The following DNAH11 variants were observed in gnomAD, a reference collection of about 807,000 sequenced individuals.
The protein encoded by DNAH11 is dynein axonemal heavy chain 11.
A neutral mutation model predicts 526.0 loss-of-function variants in DNAH11; 442 were observed. The observed-to-expected ratio is 0.84, with a 90% CI of 0.78 to 0.91. The LOEUF is 0.91. Among genes scored for constraint, DNAH11 ranks in the 40% least tolerant of loss-of-function variants. DNAH11 has a pLI of 0.00. For missense variants in DNAH11, 6,989 were observed against 5,448.7 expected (o/e 1.28, Z -8.90); for synonymous variants, 2,461 against 1,935.9 (o/e 1.27, Z -7.12).
chr7:21,544,185 T>C (rs1030451798), intron 1 of DNAH11, among the ~76,000 whole-genome samples: 2 of 152,214 alleles, frequency 1.3e-5, no homozygotes, highest in Non-Finnish European at 2.9e-5. Flanking sequence ...ATTTGTCCAC[T>C]AAAAGGTTAA....
chr7:21,673,238 A>T (rs544070451), intron 30 of DNAH11, among the ~76,000 whole-genome samples: 1 of 152,216 alleles, frequency 6.6e-6, no homozygotes. Context: ...TGTAAAATAT[A>T]CAGTGAGATC....
chr7:21,791,970 C>G (rs773332670), intron 61 of DNAH11, among the ~76,000 whole-genome samples: 7 of 152,176 alleles, frequency 4.6e-5, no homozygotes, highest in Non-Finnish European at 8.8e-5. Context: ...ATAGCAGTTC[C>G]TGCTTTGGGC....
In DNAH11 at chr7:21,710,597, G is replaced by T; in HGVS notation, c.6728G>T (p.Arg2243Leu). The change falls in exon 41 of 82, where the codon CGA (arginine) becomes CTA (leucine). Residue 2243 changes from arginine to leucine, a missense_variant. Transcript: ENST00000409508. ...YFIGLFSSILREQANLKHDGP... is the reference protein window; with the variant it reads ...YFIGLFSSILLEQANLKHDGP... ...ATAGGTCTCTTCTCATCCATTCTAC[G>T]AGAACAAGCAAATCTTAAGCATGAT... The T allele has an allele frequency of 6.2e-7, 1 of 1,612,734 alleles. No individual in the cohort carries two copies. Among genetic ancestry groups the T allele is most frequent in the Non-Finnish European group, 8.5e-7 (1 of 1,179,216 alleles).
At chr7:21,818,986 C>A (rs771641846) in intron 65 of DNAH11, among the ~76,000 whole-genome samples, 1 of 152,054 alleles carries the variant, frequency 6.6e-6, no homozygotes. Context: ...GCATTGAAGC[C>A]ATTTCTGAGG....
intron 14 of DNAH11, among the ~76,000 whole-genome samples, chr7:21,596,886 T>C (rs868617119): frequency 1.3e-5 from 2 of 152,350 alleles, no homozygotes; most frequent in Middle Eastern, 3.4e-3. Context: ...GAAATGATTA[T>C]TTGTTTCCAT....
intron 28 of DNAH11, among the ~76,000 whole-genome samples, chr7:21,655,375 C>T (rs184751138): frequency 2.0e-5 from 3 of 152,196 alleles, no homozygotes; most frequent in East Asian, 3.9e-4. Flanking sequence ...AAGGCAAGTG[C>T]GTGTTAACAG....
intron 73 of DNAH11, among the ~76,000 whole-genome samples, chr7:21,872,384 G>A (rs887059469): frequency 2.4e-4 from 36 of 152,168 alleles, no homozygotes; most frequent in African/African-American, 8.7e-4. Flanking sequence ...AAGGATACTT[G>A]CATTATTATT....
rs376425013 is a variant in DNAH11 at position 21,629,853 on chromosome 7, G to A, written c.4501-6018G>A. On this transcript the variant is annotated intron_variant, in intron 25 of 81. Transcript: ENST00000409508. ...TTTCTTGTAGGCACTGTATAGTTCT[G>A]TTATGTTTCTTTAGCTATTCAGCCA... Among the ~76,000 whole-genome samples the A allele has an allele frequency of 9.2e-5, 14 of 152,092 alleles. No individual in the cohort carries two copies. The East Asian group carries it at 1.9e-3, about 21-fold the overall frequency.
At chr7:21,557,621 G>C (rs150430874) in intron 2 of DNAH11, among the ~76,000 whole-genome samples, 3 of 152,180 alleles carry the variant, frequency 2.0e-5, no homozygotes, top group African/African-American at 7.2e-5. Flanking sequence ...CCATCATTTT[G>C]GGGGTTAGGA....
At chr7:21,881,840 C>T (rs562308844) in intron 75 of DNAH11, among the ~76,000 whole-genome samples, 1 of 152,032 alleles carries the variant, frequency 6.6e-6, no homozygotes, top group African/African-American at 2.4e-5. Context: ...GGCATATTTT[C>T]CCAAGGAACA....
In DNAH11 at chr7:21,738,867, G is replaced by A; in HGVS notation, c.7811+1G>A. The A allele has an allele frequency of 6.3e-7, 1 of 1,587,962 alleles. No individual in the cohort carries two copies. The highest frequency in any genetic ancestry group is 1.8e-5 in the Admixed American group (1 of 55,788). On this transcript the variant is annotated splice_donor_variant, in intron 47 of 81. Coordinates refer to ENST00000409508, the MANE Select transcript of DNAH11 (RefSeq NM_001277115.2). LOFTEE classifies it high-confidence loss of function. ...GGCAGCATATTGATTATGGACATTG[G>A]TAAGCAAGTCTCTGTAGTTTACTCT...
intron 66 of DNAH11, among the ~76,000 whole-genome samples, chr7:21,844,868 G>A (rs76551726): frequency 0.048 from 7,347 of 152,214 alleles, 337 homozygotes; most frequent in East Asian, 0.23. Context: ...TCAAGGCTGG[G>A]TATCAGTGGA....
At chr7:21,870,283 C>T (rs989403786) in intron 73 of DNAH11, among the ~76,000 whole-genome samples, 5 of 152,110 alleles carry the variant, frequency 3.3e-5, no homozygotes, top group African/African-American at 7.2e-5. Context: ...TATCCAGGCT[C>T]GGTGCCTTTG....
intron 34 of DNAH11, among the ~76,000 whole-genome samples, chr7:21,690,025 T>G (rs1411726677): frequency 6.6e-6 from 1 of 152,242 alleles, no homozygotes; most frequent in Non-Finnish European, 1.5e-5. Context: ...TCCAGTGCCT[T>G]TAAGTGACAG....
Position 21,717,924 on chromosome 7 carries a change from A to G in DNAH11, c.7133A>G (p.Gln2378Arg). The stretch of plus-strand genomic sequence containing the variant: ...TCAATTCCTGAGAGTAGCCTGGTGC[A>G]GGTTTGTCTTCGGTTACGCCATTTA... ...ITSIPESSLVQTLCVLLECLL... is the reference protein window; with the variant it reads ...ITSIPESSLVRTLCVLLECLL... The change falls in exon 43 of 82, where the codon CAG (glutamine) becomes CGG (arginine). Residue 2378 changes from glutamine to arginine, a missense_variant and splice_region_variant. Gln to Arg is a conservative substitution (Grantham distance 43). Transcript: ENST00000409508. The G allele has an allele frequency of 1.2e-6, 2 of 1,611,340 alleles. No homozygotes were observed. Among genetic ancestry groups the G allele is most frequent in the Non-Finnish European group, 1.7e-6 (2 of 1,178,150 alleles).
Position 21,599,835 on chromosome 7 carries a change from A to T in DNAH11, c.2716A>T (p.Ile906Phe). ...CAATCCCTCTCTGGATACCTGGAAAATTTATGTAGAATTCATTGACGACAT... is the reference window on the plus strand; with the variant it reads ...CAATCCCTCTCTGGATACCTGGAAATTTTATGTAGAATTCATTGACGACAT... ...KANPSLDTWK[I>F]YVEFIDDIVV... The change falls in exon 15 of 82, where the codon ATT becomes TTT. Residue 906 changes from isoleucine to phenylalanine, a missense_variant. Physicochemically the swap from Ile to Phe is conservative, Grantham distance 21. Transcript: ENST00000409508. The T allele has an allele frequency of 6.3e-7, 1 of 1,594,384 alleles. No homozygotes were observed. The highest frequency in any genetic ancestry group is 8.6e-7 in the Non-Finnish European group (1 of 1,167,328).
chr7:21,887,195 G>T (rs1476577428), intron 76 of DNAH11, among the ~76,000 whole-genome samples: 1 of 152,178 alleles, frequency 6.6e-6, no homozygotes, highest in Non-Finnish European at 1.5e-5. Flanking sequence ...CAAAGAATCA[G>T]AATGCTTTCA....
intron 65 of DNAH11, among the ~76,000 whole-genome samples, chr7:21,824,609 C>T (rs1473455665): frequency 6.6e-6 from 1 of 152,112 alleles, no homozygotes; most frequent in African/African-American, 2.4e-5. Context: ...TGAAAATATG[C>T]TCAACATCAT....
intron 43 of DNAH11, among the ~76,000 whole-genome samples, chr7:21,718,334 A>G (rs1784748033): frequency 6.6e-6 from 1 of 152,184 alleles, no homozygotes. Flanking sequence ...TCTGGTTCCT[A>G]AGTAACTTGC....
Sources: allele counts gnomAD v4.1 joint callset (sites outside exome capture counted in the v4.1 genomes callset), GRCh38; gene constraint gnomAD v4.1.1; transcripts MANE v1.5; gene names NCBI Gene and HGNC (gene_info 2026-07-23, HGNC 2026-07-21).